SLC25A40: variants seen among roughly 807,000 people sequenced by gnomAD.
The protein encoded by SLC25A40 is solute carrier family 25 member 40.
Under a neutral mutation model 46.5 loss-of-function variants are expected in SLC25A40, and 41 were observed. The observed-to-expected ratio is 0.88, with a 90% CI of 0.69 to 1.14. The LOEUF (loss-of-function observed/expected upper bound fraction) is 1.14, where lower values mean the gene tolerates loss of function less well. Among genes scored for constraint, SLC25A40 ranks in the 50% most tolerant of loss-of-function variants. SLC25A40 has a pLI of 0.00. For missense variants in SLC25A40, 386 were observed against 393.6 expected, an observed-to-expected ratio of 0.98 and a Z score of 0.16; for synonymous variants, 126 against 127.5, an observed-to-expected ratio of 0.99 and a Z score of 0.08.
intron 7 of SLC25A40, 52 bp from the exon 8 acceptor site, chr7:87,847,174 G>A: frequency 7.3e-7 from 1 of 1,368,086 alleles, no homozygotes; most frequent in Non-Finnish European, 9.8e-7. Flanking sequence ...CATGTACTAT[G>A]CAAACACATA....
chr7:87,843,755 G>T lies in SLC25A40; in HGVS notation c.740C>A (p.Ser247Tyr). Residue 247 changes from serine (S) to tyrosine (Y), a missense_variant and splice_region_variant, in exon 9 of 12, where the codon TCT becomes TAT. By Grantham distance (144) the Ser-to-Tyr change is moderately radical. Transcript: ENST00000341119. The stretch of plus-strand genomic sequence containing the variant: ...TTAACAACAAAAGAATAAACTTACA[G>T]AACCAGACAATGCCCCTGAAGTAAA... ...INFTSGALSG[S>Y]FAAVATLPFD... 1 of 1,597,150 alleles carries T rather than the reference G, an allele frequency of 6.3e-7. No individual in the cohort carries two copies. The highest frequency in any genetic ancestry group is 1.1e-5 in the South Asian group (1 of 90,346).
intron 1 of SLC25A40, among the ~76,000 whole-genome samples, chr7:87,865,771 C>CG (rs796187169): frequency 2.7e-5 from 4 of 150,228 alleles, no homozygotes; most frequent in Non-Finnish European, 4.4e-5. Flanking sequence ...GACTCCGTCT[C>CG]GGGGGGAAAA....
chr7:87,848,022 C>T (rs776095509), intron 6 of SLC25A40, 45 bp from the exon 7 acceptor site: 1 of 1,567,246 alleles, frequency 6.4e-7, no homozygotes, highest in Admixed American at 2.1e-5. Flanking sequence ...ATCAAAAGAT[C>T]CCACATAGTC....
Position 87,847,940 on chromosome 7 carries a change from A to T in SLC25A40, c.370T>A (p.Cys124Ser), listed in dbSNP as rs765526297. The T allele has an allele frequency of 6.2e-7, 1 of 1,609,834 alleles. No individual in the cohort carries two copies. The highest frequency in any genetic ancestry group is 2.2e-5 in the East Asian group (1 of 44,578). Residue 124 changes from cysteine (C) to serine (S), a missense_variant, in exon 7 of 12, where the codon TGC (cysteine) becomes AGC (serine). Physicochemically the swap from Cys to Ser is moderately radical, Grantham distance 112. Coordinates refer to ENST00000341119, the MANE Select transcript of SLC25A40 (RefSeq NM_018843.4). The stretch of plus-strand genomic sequence containing the variant: ...AGAAGAGCACTTAATTGATCATAGC[A>T]GGTAAAATAAATAACTGTGGCAGGA... Reference protein sequence around the residue: ...AVPATVIYFTCYDQLSALLRS... With the variant: ...AVPATVIYFTSYDQLSALLRS...
intron 9 of SLC25A40, 34 bp from the exon 10 acceptor site, chr7:87,841,748 A>T: frequency 7.7e-7 from 1 of 1,296,462 alleles, no homozygotes; most frequent in Non-Finnish European, 1.0e-6. Context: ...ATTTCAATCA[A>T]CCTGTTAATT....
intron 1 of SLC25A40, among the ~76,000 whole-genome samples, chr7:87,874,967 C>A (rs543483103): frequency 6.6e-6 from 1 of 152,316 alleles, no homozygotes; most frequent in East Asian, 1.9e-4. Context: ...TAGTGCTTCC[C>A]AACTTTTTAA....
At chr7:87,871,362 C>A (rs527606537) in intron 1 of SLC25A40, among the ~76,000 whole-genome samples, 2 of 152,288 alleles carry the variant, frequency 1.3e-5, no homozygotes, top group Admixed American at 6.5e-5. Context: ...TGCCAACAAC[C>A]CCTAGTGAGC....
chr7:87,843,476 T>A (rs1838365582), intron 9 of SLC25A40, among the ~76,000 whole-genome samples: 1 of 152,090 alleles, frequency 6.6e-6, no homozygotes, highest in Non-Finnish European at 1.5e-5. Context: ...CAAAATGCTC[T>A]AAATAATAAA....
In SLC25A40 at chr7:87,841,715, C is replaced by A; in HGVS notation, c.742-1G>T. ...ATGGTAAAGTTGCAACAGCAGCAAACTATCAGAAAGTAAAATTGATTAATT... is the reference window on the plus strand; with the variant it reads ...ATGGTAAAGTTGCAACAGCAGCAAAATATCAGAAAGTAAAATTGATTAATT... On this transcript the variant is annotated splice_acceptor_variant, in intron 9 of 11. Transcript: ENST00000341119. LOFTEE classifies it high-confidence loss of function. 6.7e-7 allele frequency: 1 copy of A among 1,503,084 alleles called. No individual in the cohort carries two copies. The highest frequency in any genetic ancestry group is 8.9e-7 in the Non-Finnish European group (1 of 1,122,092). The allele number at this position is 1,503,084 out of a possible 1,614,324, so 93.1% of individuals were successfully genotyped here.
rs2130991823 is a variant in SLC25A40 at position 87,834,634 on chromosome 7, T to C, written c.*1615A>G. 6.6e-6 allele frequency: 1 copy of C among 151,760 alleles called. No homozygotes were observed. Among genetic ancestry groups the C allele is most frequent in the South Asian group, 2.1e-4 (1 of 4,826 alleles). The allele number at this position is 151,760 out of a possible 1,614,324, so 9.4% of individuals were successfully genotyped here. ...ATATAACTGCCTTTTGGGAACAGTA[T>C]TTTTTCTGTTTTCTATGAATTACCC... On this transcript the variant is annotated 3_prime_UTR_variant, in exon 12 of 12. Coordinates refer to ENST00000341119, the MANE Select transcript of SLC25A40 (RefSeq NM_018843.4).
At position 87,856,283 on chromosome 7, in the gene SLC25A40, T is replaced by C. The variant is rs1838612461; in HGVS notation, c.157+9A>G. On this transcript the variant is annotated intron_variant, in intron 4 of 11. Transcript: ENST00000341119. ...AACATAACATTTTTAGGGCAATTAG[T>C]ACACATACCTTTGGGGAGTGGGTTG... 6.2e-7 allele frequency: 1 copy of C among 1,605,604 alleles called. No individual in the cohort carries two copies. Among genetic ancestry groups the C allele is most frequent in the Non-Finnish European group, 8.5e-7 (1 of 1,173,860 alleles).
chr7:87,845,894 G>A (rs1012883833), intron 8 of SLC25A40, among the ~76,000 whole-genome samples: 4 of 152,032 alleles, frequency 2.6e-5, no homozygotes, highest in African/African-American at 9.7e-5. Flanking sequence ...ATTGCTGGTA[G>A]GTATGTAGAT....
intron 1 of SLC25A40, among the ~76,000 whole-genome samples, chr7:87,871,698 G>C (rs1478846426): frequency 6.6e-6 from 1 of 151,962 alleles, no homozygotes; most frequent in African/African-American, 2.4e-5. Context: ...ATATAGAATT[G>C]GTTTTCATTT....
intron 2 of SLC25A40, 54 bp from the exon 3 acceptor site, chr7:87,858,805 A>G (rs1054953946): frequency 1.1e-5 from 11 of 983,656 alleles, no homozygotes; most frequent in Admixed American, 3.7e-5. Context: ...TTCAAAAATG[A>G]TAACATCCTT....
chr7:87,857,442 C>T (rs1008284773), intron 3 of SLC25A40, among the ~76,000 whole-genome samples: 2 of 152,146 alleles, frequency 1.3e-5, no homozygotes, highest in Non-Finnish European at 2.9e-5. Flanking sequence ...GGACTCAAGT[C>T]TCTTGAATCT....
intron 8 of SLC25A40, 193 bp from the exon 9 acceptor site, chr7:87,844,056 A>G (rs1838376767): frequency 1.1e-6 from 1 of 930,366 alleles, no homozygotes; most frequent in Admixed American, 6.2e-5. Flanking sequence ...TAGTAGTCCT[A>G]TAAACAAAAA....
chr7:87,866,400 T>A (rs1019975724), intron 1 of SLC25A40, among the ~76,000 whole-genome samples: 1 of 152,230 alleles, frequency 6.6e-6, no homozygotes, highest in African/African-American at 2.4e-5. Context: ...TTGAGAAGTC[T>A]GTTGCCAGAT....
At chr7:87,837,247 AC>A (rs1217084945) in intron 10 of SLC25A40, 8 of 150,292 alleles carry the variant, frequency 5.3e-5, no homozygotes, top group Non-Finnish European at 1.0e-4. Flanking sequence ...CTTAAGTGAG[AC>A]CCCTATCTCT....
intron 8 of SLC25A40, among the ~76,000 whole-genome samples, chr7:87,845,636 A>C (rs922040730): frequency 3.3e-5 from 5 of 152,156 alleles, no homozygotes; most frequent in Non-Finnish European, 7.4e-5. Context: ...GTTGGAGATC[A>C]CTGCAATAGG....
Sources: allele counts gnomAD v4.1 joint callset (sites outside exome capture counted in the v4.1 genomes callset), GRCh38; gene constraint gnomAD v4.1.1; transcripts MANE v1.5; gene names NCBI Gene and HGNC (gene_info 2026-07-23, HGNC 2026-07-21).